Variants in AGAP3 observed in about 807,000 individuals in gnomAD.
AGAP3 encodes ArfGAP with GTPase domain, ankyrin repeat and PH domain 3.
A neutral mutation model predicts 96.9 loss-of-function variants in AGAP3; 24 were observed. The ratio of observed to expected loss-of-function variants is 0.25; its 90% CI spans 0.18 to 0.35. The LOEUF (loss-of-function observed/expected upper bound fraction) is 0.35. AGAP3 is among the 10% of genes least tolerant of loss of function. The probability of loss-of-function intolerance (pLI) is 1.00; values close to 1 mark genes in which losing one functional copy is unlikely to be tolerated. For missense variants in AGAP3, 876 were observed against 1,254.2 expected (o/e 0.70, Z 4.55); for synonymous variants, 563 against 536.1 (o/e 1.05, Z -0.69).
Position 151,133,057 on chromosome 7 carries a change from G to A in AGAP3, c.1327-1343G>A, listed in dbSNP as rs1187743148. On this transcript the variant is annotated intron_variant, in intron 10 of 17. Coordinates refer to ENST00000397238, the MANE Select transcript of AGAP3 (RefSeq NM_031946.7). The surrounding 1 kb of genome is among the most constrained non-coding windows in gnomAD (Gnocchi z 5.4). ...AGGAGCGCGTCTGGGAAGGCTCGTC[G>A]CACGGCCGCCCTTAGGATGCAGATA... Among the ~76,000 whole-genome samples, 3 of 152,222 alleles carry A rather than the reference G, an allele frequency of 2.0e-5. No homozygotes were observed. Among genetic ancestry groups the A allele is most frequent in the Non-Finnish European group, 2.9e-5 (2 of 68,044 alleles).
chr7:151,098,681 G>C (rs1175821905), intron 1 of AGAP3, among the ~76,000 whole-genome samples: 4 of 151,090 alleles, frequency 2.6e-5, no homozygotes, highest in African/African-American at 7.3e-5. Context: ...AATGCCTGTT[G>C]GTTGTAAAAA....
At position 151,143,484 on chromosome 7, in the gene AGAP3, C is replaced by T; in HGVS notation, c.2417C>T (p.Ala806Val). The T allele has an allele frequency of 6.2e-7, 1 of 1,614,234 alleles. No homozygotes were observed. Among genetic ancestry groups the T allele is most frequent in the Non-Finnish European group, 8.5e-7 (1 of 1,180,044 alleles). The part of the protein sequence containing the change: ...DDLRLLVMLL[A>V]HGSKEEVNET... ...CTGCGGCTGTTGGTGATGCTCCTGG[C>T]ACATGGCTCCAAAGAGGAGGTGAAT... is the stretch of plus-strand genomic sequence containing the variant. The change falls in exon 17 of 18, where the codon GCA (alanine) becomes GTA (valine). Residue 806 changes from alanine to valine, a missense_variant. Ala to Val is a moderately conservative substitution (Grantham distance 64). Transcript: ENST00000397238. The surrounding 1 kb of genome is among the most constrained non-coding windows in gnomAD (Gnocchi z 5.9).
intron 1 of AGAP3, among the ~76,000 whole-genome samples, chr7:151,094,344 G>T (rs543858091): frequency 2.0e-5 from 3 of 152,172 alleles, no homozygotes; most frequent in South Asian, 4.1e-4. Flanking sequence ...AGACTCTGGG[G>T]TCGGCACATT....
At chr7:151,136,013 G>T (rs1332230303) in intron 11 of AGAP3, among the ~76,000 whole-genome samples, 1 of 152,194 alleles carries the variant, frequency 6.6e-6, no homozygotes, top group African/African-American at 2.4e-5. Flanking sequence ...CCCATCATGG[G>T]GCTGTGCCAG....
intron 11 of AGAP3, chr7:151,137,894 C>T (rs983156286): frequency 1.3e-5 from 7 of 528,880 alleles, no homozygotes; most frequent in Non-Finnish European, 2.3e-5. Flanking sequence ...AGACCCCCCG[C>T]CCCGCTCCCG....
At chr7:151,092,206 C>T (rs977942565) in intron 1 of AGAP3, among the ~76,000 whole-genome samples, 5 of 152,196 alleles carry the variant, frequency 3.3e-5, no homozygotes, top group African/African-American at 1.2e-4. Flanking sequence ...TGTGAGCCCC[C>T]TACCAGCTGT....
chr7:151,138,037 G>A, intron 11 of AGAP3, 106 bp from the exon 12 acceptor site: 1 of 920,102 alleles, frequency 1.1e-6, no homozygotes, highest in Middle Eastern at 2.4e-4. Flanking sequence ...CCAGTGCCCT[G>A]CTGAATGTCT....
At position 151,117,712 on chromosome 7, in the gene AGAP3, A is replaced by G; in HGVS notation, c.641A>G (p.Tyr214Cys). 6.2e-7 allele frequency: 1 copy of G among 1,614,154 alleles called. No individual in the cohort carries two copies. Among genetic ancestry groups the G allele is most frequent in the Non-Finnish European group, 8.5e-7 (1 of 1,179,990 alleles). The change falls in exon 5 of 18, where the codon TAC becomes TGC. Residue 214 changes from tyrosine to cysteine, a missense_variant. Around this residue, in one of 8 missense-constraint regions of AGAP3, gnomAD observed 131 missense variants for 304.5 expected, o/e 0.43. Coordinates refer to ENST00000397238, the MANE Select transcript of AGAP3 (RefSeq NM_031946.7). ...ATCAGTTTCCAGACGGTGTACAACT[A>G]CTTCCTGCGTCTCTGCAGCTTCCGC... ...DEISFQTVYN[Y>C]FLRLCSFRNA...
In AGAP3 at chr7:151,128,817, G is replaced by A. The variant is rs1176628711; in HGVS notation, c.1326+133G>A. On this transcript the variant is annotated intron_variant, in intron 10 of 17. Transcript: ENST00000397238. ...TAGTGATTTCAAATGGCTCATCCCT[G>A]GAGAAGGAACCTCACACTGGCAGCT... The A allele has an allele frequency of 6.5e-6, 5 of 772,102 alleles. No individual in the cohort carries two copies. In the East Asian group the frequency reaches 1.1e-4, roughly 17 times the overall value. 47.8% of individuals were successfully genotyped at this position (772,102 alleles called of 1,614,324 possible).
chr7:151,092,497 T>G (rs548678496), intron 1 of AGAP3, among the ~76,000 whole-genome samples: 1 of 151,986 alleles, frequency 6.6e-6, no homozygotes, highest in Non-Finnish European at 1.5e-5. Flanking sequence ...AGAGTTGAGG[T>G]AGGGAAGGGG....
chr7:151,117,063 C>T (rs1799626203), intron 2 of AGAP3, 32 bp from the exon 3 acceptor site: 7 of 1,604,782 alleles, frequency 4.4e-6, no homozygotes, highest in Non-Finnish European at 6.0e-6. Context: ...GCCCTCTGCC[C>T]TCTGACCCAC....
rs1323389787 is a variant in AGAP3, at chr7:151,139,770, C to T, written c.1667-209C>T. 5 of 421,564 alleles carry T rather than the reference C, an allele frequency of 1.2e-5. No homozygotes were observed. The highest frequency in any genetic ancestry group is 2.1e-5 in the African/African-American group (1 of 48,766). 26.1% of individuals were successfully genotyped at this position (421,564 alleles called of 1,614,324 possible). The stretch of plus-strand genomic sequence containing the variant: ...CTGCTCTGCCTAAGTTTCCTATTCT[C>T]TTTCCACATTTTCCTCCTCCAAGGC... On this transcript the variant is annotated intron_variant, in intron 12 of 17. Transcript: ENST00000397238. This position sits in a 1 kb window ranked among gnomAD's most constrained non-coding sequence, Gnocchi z 4.9.
At position 151,138,112 on chromosome 7, in the gene AGAP3, C is replaced by A. The variant is rs1342225604; in HGVS notation, c.1496-31C>A. ...TTGAGAATCCTCCCCTGCCCGGCCT[C>A]CCTTCCCAGTCTGACCCTTCCCGCC... On this transcript the variant is annotated intron_variant, in intron 11 of 17. Transcript: ENST00000397238. The A allele has an allele frequency of 3.3e-6, 5 of 1,538,312 alleles. No individual in the cohort carries two copies. In the South Asian group the frequency reaches 5.9e-5, roughly 18 times the overall value.
At chr7:151,099,875 T>C (rs1323062687) in intron 1 of AGAP3, among the ~76,000 whole-genome samples, 1 of 152,222 alleles carries the variant, frequency 6.6e-6, no homozygotes, top group African/African-American at 2.4e-5. Flanking sequence ...AGCAGAAAGT[T>C]TGTAAACACA....
At chr7:151,089,214 A>C (rs1798285555) in intron 1 of AGAP3, among the ~76,000 whole-genome samples, 1 of 151,868 alleles carries the variant, frequency 6.6e-6, no homozygotes, top group Admixed American at 6.6e-5. Context: ...CCTTCCTGCG[A>C]TAGAACTCCT....
At chr7:151,101,187 G>C (rs1303517329) in intron 1 of AGAP3, among the ~76,000 whole-genome samples, 1 of 152,246 alleles carries the variant, frequency 6.6e-6, no homozygotes, top group Non-Finnish European at 1.5e-5. Flanking sequence ...ATGAGTGCTT[G>C]AGCCACCAAG....
At chr7:151,138,337 C>T (rs773962884) in intron 12 of AGAP3, 24 bp downstream of exon 12, 59 of 1,588,224 alleles carry the variant, frequency 3.7e-5, no homozygotes, top group Non-Finnish European at 4.5e-5. Flanking sequence ...CTGCTGCTTC[C>T]CACCTTTTCT....
intron 1 of AGAP3, among the ~76,000 whole-genome samples, chr7:151,101,690 G>T (rs896383341): frequency 4.7e-5 from 7 of 149,996 alleles, no homozygotes; most frequent in Non-Finnish European, 1.5e-5. Flanking sequence ...TACAGAGGCT[G>T]GGAGGAAGTG....
Position 151,117,632 on chromosome 7 carries a change from C to T in AGAP3, c.565-4C>T, listed in dbSNP as rs759249173. On this transcript the variant is annotated splice_region_variant and splice_polypyrimidine_tract_variant and intron_variant, in intron 4 of 17. Coordinates refer to ENST00000397238, the MANE Select transcript of AGAP3 (RefSeq NM_031946.7). The stretch of plus-strand genomic sequence containing the variant: ...GGGTGCTAATTTTACTTGCTCTACC[C>T]TAGTTTGCTGCCTGGGTGGATGCAG... 5 of 1,613,852 alleles carry T rather than the reference C, an allele frequency of 3.1e-6. No individual in the cohort carries two copies. The highest frequency in any genetic ancestry group is 4.2e-6 in the Non-Finnish European group (5 of 1,179,906).
Sources: allele counts gnomAD v4.1 joint callset (sites outside exome capture counted in the v4.1 genomes callset), GRCh38; gene constraint gnomAD v4.1.1; regional missense constraint gnomAD v4.1.1; non-coding constraint Gnocchi (gnomAD v3.1); transcripts MANE v1.5; gene names NCBI Gene and HGNC (gene_info 2026-07-23, HGNC 2026-07-21).